Variants in BBS9 observed in about 807,000 individuals in gnomAD.
BBS9 encodes the protein protein PTHB1.
A neutral mutation model predicts 117.7 loss-of-function variants in BBS9; 89 were observed. The observed-to-expected ratio is 0.76, with a 90% CI of 0.64 to 0.90. The LOEUF (loss-of-function observed/expected upper bound fraction) is 0.90, where lower values mean the gene tolerates loss of function less well. Among genes scored for constraint, BBS9 ranks in the 40% least tolerant of loss-of-function variants. The probability of loss-of-function intolerance (pLI) is 0.00; values close to 1 mark genes in which losing one functional copy is unlikely to be tolerated. For synonymous variants in BBS9, 379 were observed against 370.9 expected (o/e 1.02, Z -0.25); for missense variants, 982 against 1,042.2 (o/e 0.94, Z 0.80).
At chr7:33,211,951 G>T (rs1433918196) in intron 5 of BBS9, among the ~76,000 whole-genome samples, 1 of 152,138 alleles carries the variant, frequency 6.6e-6, no homozygotes, top group African/African-American at 2.4e-5. Context: ...ATGTATTAGA[G>T]CTCCACTGTA....
rs752252690 is a variant in BBS9, at chr7:33,257,426, AAGTCTTC to A, written c.617+19_617+25del. 6.2e-7 allele frequency: 1 copy of A among 1,612,258 alleles called. No individual in the cohort carries two copies. The highest frequency in any genetic ancestry group is 1.1e-5 in the South Asian group (1 of 91,032). ...AAAGTTATAAGTAAGTTTGGATGTT[AAGTCTTC>A]AGAATCATGATTTTTTGGTGCGTTT... On this transcript the variant is annotated intron_variant, in intron 6 of 22. Transcript: ENST00000242067.
At chr7:33,535,712 T>C (rs1488482457) in intron 21 of BBS9, among the ~76,000 whole-genome samples, 1 of 152,096 alleles carries the variant, frequency 6.6e-6, no homozygotes, top group East Asian at 1.9e-4. Context: ...TTATAATCAG[T>C]ATCAGTTTAT....
In BBS9 at chr7:33,604,868, G is replaced by A. The variant is rs1249321517; in HGVS notation, c.2525G>A (p.Gly842Asp). ...ATTGTTTGTATTTTTCAACTAGGTG[G>A]TTGTACTACAATCCCAGAGTCAGAC... The part of the protein sequence containing the change: ...AAPQTMVMPG[G>D]CTTIPESDLE... Residue 842 changes from glycine to aspartate, a missense_variant, in exon 22 of 23, where the codon GGT becomes GAT. Transcript: ENST00000242067. 3.1e-6 allele frequency: 5 copies of A among 1,606,138 alleles called. No homozygotes were observed. The highest frequency in any genetic ancestry group is 4.3e-6 in the Non-Finnish European group (5 of 1,173,208).
chr7:33,290,477 C>G (rs1019568326), intron 9 of BBS9, among the ~76,000 whole-genome samples: 24 of 152,128 alleles, frequency 1.6e-4, no homozygotes, highest in Non-Finnish European at 1.5e-5. Context: ...GTAGGAAATT[C>G]TTTGTTCTTC....
intron 19 of BBS9, among the ~76,000 whole-genome samples, chr7:33,466,567 C>G (rs7781641): frequency 0.75 from 113,713 of 152,030 alleles, 42,915 homozygotes; most frequent in African/African-American, 0.84. Flanking sequence ...TTTATTCATT[C>G]ATCTGTCTGC....
intron 5 of BBS9, among the ~76,000 whole-genome samples, chr7:33,215,081 AC>A (rs1443346301): frequency 6.6e-6 from 1 of 152,168 alleles, no homozygotes; most frequent in East Asian, 1.9e-4. Flanking sequence ...AGTCCCAGCT[AC>A]TCGGGAGGCT....
At chr7:33,146,710 A>AT (rs1245842184) in intron 2 of BBS9, among the ~76,000 whole-genome samples, 1 of 150,852 alleles carries the variant, frequency 6.6e-6, no homozygotes, top group East Asian at 1.9e-4. Flanking sequence ...AAAAAAAAAA[A>AT]AAAAAAAAGA....
chr7:33,365,561 C>A (rs1351373791), intron 16 of BBS9, among the ~76,000 whole-genome samples: 1 of 152,274 alleles, frequency 6.6e-6, no homozygotes. Context: ...TTTCTCCCAC[C>A]AGGGAAATCA....
chr7:33,347,299 T>A (rs1157786012), intron 12 of BBS9, among the ~76,000 whole-genome samples: 1 of 152,058 alleles, frequency 6.6e-6, no homozygotes. Flanking sequence ...TACAGACTAG[T>A]ATTATATTAT....
chr7:33,375,015 G>A lies in BBS9; in HGVS notation c.1789+7153G>A, dbSNP rs187182590. On this transcript the variant is annotated intron_variant, in intron 17 of 22. Coordinates refer to ENST00000242067, the MANE Select transcript of BBS9 (RefSeq NM_198428.3). ...TCTCTCATTTCAAAATTTCCAAATA[G>A]CATGAATTGTATAGTTCACTGTTTA... Among the ~76,000 whole-genome samples, 448 of 151,218 alleles carry A rather than the reference G, an allele frequency of 3.0e-3. 1 individual carries two copies. The highest frequency in any genetic ancestry group is 9.9e-3 in the African/African-American group (406 of 41,152).
chr7:33,529,988 G>A (rs555165991), intron 20 of BBS9, among the ~76,000 whole-genome samples: 1 of 152,280 alleles, frequency 6.6e-6, no homozygotes, highest in South Asian at 2.1e-4. Flanking sequence ...CCAAAAAGGT[G>A]TTTAAAATAG....
At chr7:33,133,495 A>G (rs1373406193) in intron 1 of BBS9, among the ~76,000 whole-genome samples, 1 of 152,228 alleles carries the variant, frequency 6.6e-6, no homozygotes, top group East Asian at 1.9e-4. Context: ...GATATTTTAT[A>G]TAAACAGAAT....
chr7:33,593,704 T>C (rs1403567506), intron 21 of BBS9, among the ~76,000 whole-genome samples: 2 of 152,064 alleles, frequency 1.3e-5, no homozygotes, highest in Non-Finnish European at 2.9e-5. Flanking sequence ...CACCTACATA[T>C]GGTAGGGGGT....
At chr7:33,151,040 C>T (rs1483879606) in intron 2 of BBS9, among the ~76,000 whole-genome samples, 1 of 152,112 alleles carries the variant, frequency 6.6e-6, no homozygotes, top group Non-Finnish European at 1.5e-5. Context: ...TTGCTTGAGT[C>T]CAGAAGTTTG....
At chr7:33,347,936 A>AT (rs975321259) in intron 12 of BBS9, among the ~76,000 whole-genome samples, 3 of 151,844 alleles carry the variant, frequency 2.0e-5, no homozygotes, top group Non-Finnish European at 4.4e-5. Context: ...ATTTTATTTA[A>AT]TTTTTTTTCT....
intron 19 of BBS9, among the ~76,000 whole-genome samples, chr7:33,408,841 C>A (rs1280744115): frequency 1.3e-5 from 2 of 152,162 alleles, no homozygotes; most frequent in Admixed American, 1.3e-4. Context: ...TGGAAGTGTT[C>A]CCTTTTCTCT....
At chr7:33,424,896 TACTC>T (rs1036790107) in intron 19 of BBS9, among the ~76,000 whole-genome samples, 1 of 152,180 alleles carries the variant, frequency 6.6e-6, no homozygotes, top group African/African-American at 2.4e-5. Context: ...TGCAAGTAGA[TACTC>T]ACCATCATGT....
At chr7:33,408,749 A>G (rs1232970240) in intron 19 of BBS9, among the ~76,000 whole-genome samples, 1 of 152,158 alleles carries the variant, frequency 6.6e-6, no homozygotes, top group Non-Finnish European at 1.5e-5. Context: ...GTTGGGTTGA[A>G]TGATAGTTCA....
At chr7:33,333,188 G>A (rs767894149) in intron 9 of BBS9, among the ~76,000 whole-genome samples, 8 of 152,020 alleles carry the variant, frequency 5.3e-5, no homozygotes, top group Non-Finnish European at 8.8e-5. Context: ...CCAATATATA[G>A]CCTTTTGTCC....
Sources: allele counts gnomAD v4.1 joint callset (sites outside exome capture counted in the v4.1 genomes callset), GRCh38; gene constraint gnomAD v4.1.1; transcripts MANE v1.5; gene names NCBI Gene and HGNC (gene_info 2026-07-23, HGNC 2026-07-21).